Variants in MAMDC2 observed in about 807,000 individuals in gnomAD.
The protein encoded by MAMDC2 is MAM domain containing 2, also known as MAM domain-containing protein 2.
MAMDC2 carries 57 observed loss-of-function variants against 89.8 expected under a neutral mutation model. The ratio of observed to expected loss-of-function variants is 0.63; its 90% CI spans 0.51 to 0.79. The LOEUF (loss-of-function observed/expected upper bound fraction) is 0.79, where lower values mean the gene tolerates loss of function less well. MAMDC2 is among the 30% of genes least tolerant of loss of function. MAMDC2 has a pLI of 0.00. For missense variants in MAMDC2, 800 were observed against 820.6 expected (o/e 0.97, Z 0.31); for synonymous variants, 313 against 293.4 (o/e 1.07, Z -0.68).
intron 2 of MAMDC2, among the ~76,000 whole-genome samples, chr9:70,085,070 G>A (rs1827737380): frequency 6.6e-6 from 1 of 151,888 alleles, no homozygotes. Context: ...AGAAATCAAG[G>A]GTAAACATTA....
intron 2 of MAMDC2, among the ~76,000 whole-genome samples, chr9:70,046,480 CTTAG>C (rs774224746): frequency 3.3e-5 from 5 of 152,184 alleles, no homozygotes; most frequent in Admixed American, 6.5e-5. Context: ...AGCCAGGAGC[CTTAG>C]TTAGTCTCTG....
chr9:70,166,239 T>C (rs1392186381), intron 9 of MAMDC2, among the ~76,000 whole-genome samples: 3 of 137,126 alleles, frequency 2.2e-5, no homozygotes, highest in African/African-American at 8.9e-5. Flanking sequence ...AAAACTCCCA[T>C]CTCAAAAAAA....
chr9:70,143,777 G>A lies in MAMDC2; in HGVS notation c.1362G>A (p.Trp454Ter). The change falls in exon 9 of 14, where the codon TGG becomes TGA. Residue 454 changes from tryptophan (W) to a stop codon, truncating the protein, a stop_gained. Coordinates refer to ENST00000377182, the MANE Select transcript of MAMDC2 (RefSeq NM_153267.5). LOFTEE classifies it high-confidence loss of function. ...TGTTGGAGTCCCCAAGGGGTGTTTG[G>A]ATGCAAGCTGAAATCACCTTTAAGA... ...WSVLESPRGV[W>*]MQAEITFKKP... 1 of 1,614,162 alleles carries A rather than the reference G, an allele frequency of 6.2e-7. No individual in the cohort carries two copies. The highest frequency in any genetic ancestry group is 8.5e-7 in the Non-Finnish European group (1 of 1,180,006).
intron 2 of MAMDC2, among the ~76,000 whole-genome samples, chr9:70,047,499 A>G (rs1212169507): frequency 6.6e-6 from 1 of 152,180 alleles, no homozygotes; most frequent in Non-Finnish European, 1.5e-5. Context: ...GATGGCTTCC[A>G]GCTTCATCCA....
chr9:70,204,712 C>T (rs1021764048), intron 11 of MAMDC2, among the ~76,000 whole-genome samples: 5 of 151,780 alleles, frequency 3.3e-5, no homozygotes, highest in South Asian at 2.1e-4. Flanking sequence ...AGCGAGATTC[C>T]GTGGGCGTAG....
intron 9 of MAMDC2, among the ~76,000 whole-genome samples, chr9:70,160,812 G>A (rs117249321): frequency 0.013 from 1,941 of 152,294 alleles, 21 homozygotes; most frequent in Non-Finnish European, 0.019. Context: ...TCAGGCTCCT[G>A]TGCTGAGTTA....
intron 2 of MAMDC2, among the ~76,000 whole-genome samples, chr9:70,094,561 T>C (rs1827981766): frequency 6.6e-6 from 1 of 152,206 alleles, no homozygotes; most frequent in African/African-American, 2.4e-5. Context: ...TATATTTCCT[T>C]GAATAACAGC....
In MAMDC2 at chr9:70,108,303, C is replaced by A; in HGVS notation, c.241C>A (p.Leu81Ile). 1 of 1,614,064 alleles carries A rather than the reference C, an allele frequency of 6.2e-7. No individual in the cohort carries two copies. Among genetic ancestry groups the A allele is most frequent in the Non-Finnish European group, 8.5e-7 (1 of 1,179,966 alleles). Residue 81 changes from leucine (L) to isoleucine (I), a missense_variant, in exon 3 of 14, where the codon CTC becomes ATC. Leu to Ile is a conservative substitution (Grantham distance 5, BLOSUM62 2). Coordinates refer to ENST00000377182, the MANE Select transcript of MAMDC2 (RefSeq NM_153267.5). ...PDLQAEEWSC[L>I]RLVYQITTSS... ...CTTACAGGCTGAGGAATGGAGCTGC[C>A]TCCGTTTGGTCTACCAGATAACCAC...
intron 10 of MAMDC2, chr9:70,169,542 A>G (rs1268712623): frequency 2.0e-5 from 3 of 152,260 alleles, no homozygotes; most frequent in African/African-American, 7.2e-5. Context: ...AACCCAGATA[A>G]AAATCGTTCC....
At chr9:70,162,844 C>A (rs1468413366) in intron 9 of MAMDC2, among the ~76,000 whole-genome samples, 1 of 150,216 alleles carries the variant, frequency 6.7e-6, no homozygotes, top group Non-Finnish European at 1.5e-5. Context: ...AGTCTGACCC[C>A]TTGGACTAAC....
At chr9:70,160,029 T>G (rs1188486410) in intron 9 of MAMDC2, among the ~76,000 whole-genome samples, 1 of 152,054 alleles carries the variant, frequency 6.6e-6, no homozygotes, top group African/African-American at 2.4e-5. Flanking sequence ...CTGGCCAACA[T>G]GGTAAGACCC....
chr9:70,079,590 C>T (rs965981808), intron 2 of MAMDC2, among the ~76,000 whole-genome samples: 2 of 152,162 alleles, frequency 1.3e-5, no homozygotes, highest in African/African-American at 4.8e-5. Context: ...GGTCAGCCTC[C>T]ATGAGTTATT....
At chr9:70,093,268 G>GA (rs1225109416) in intron 2 of MAMDC2, among the ~76,000 whole-genome samples, 1 of 152,162 alleles carries the variant, frequency 6.6e-6, no homozygotes, top group Non-Finnish European at 1.5e-5. Context: ...AAACTGGTAA[G>GA]ATAGCATCTC....
At chr9:70,142,664 C>T (rs576243320) in intron 8 of MAMDC2, among the ~76,000 whole-genome samples, 94 of 152,098 alleles carry the variant, frequency 6.2e-4, no homozygotes, top group Non-Finnish European at 1.2e-3. Context: ...TTGCAGATGG[C>T]CACCTTATCC....
chr9:70,091,920 T>C (rs1413588811), intron 2 of MAMDC2, among the ~76,000 whole-genome samples: 1 of 152,242 alleles, frequency 6.6e-6, no homozygotes, highest in African/African-American at 2.4e-5. Context: ...GTCATACATT[T>C]ATCTTTCTTA....
intron 9 of MAMDC2, chr9:70,153,059 A>C (rs1008969687): frequency 6.6e-6 from 1 of 152,346 alleles, no homozygotes; most frequent in East Asian, 1.9e-4. Context: ...TAAACTAAAA[A>C]TCAGGTCAGA....
chr9:70,226,881 A>T lies in MAMDC2; in HGVS notation c.*849A>T, dbSNP rs1445799515. 6.6e-6 allele frequency: 1 copy of T among 152,090 alleles called. No individual in the cohort carries two copies. Among genetic ancestry groups the T allele is most frequent in the Non-Finnish European group, 1.5e-5 (1 of 67,956 alleles). The allele number at this position is 152,090 out of a possible 1,614,324, so 9.4% of individuals were successfully genotyped here. A position where few individuals can be genotyped will look rare whatever the true frequency, so the allele number is the denominator to read the frequency against. ...CAGATATACTAAACTGCTTTTATTT[A>T]CTTGTTTAGAAAATTGTATATATAT... On this transcript the variant is annotated 3_prime_UTR_variant, in exon 14 of 14. Coordinates refer to ENST00000377182, the MANE Select transcript of MAMDC2 (RefSeq NM_153267.5).
At chr9:70,102,022 AC>A (rs368231711) in intron 2 of MAMDC2, among the ~76,000 whole-genome samples, 1 of 152,326 alleles carries the variant, frequency 6.6e-6, no homozygotes, top group East Asian at 1.9e-4. Flanking sequence ...GGAAGTATAT[AC>A]TTATTTAAAC....
At chr9:70,191,387 A>G (rs1315086470) in intron 11 of MAMDC2, among the ~76,000 whole-genome samples, 3 of 152,050 alleles carry the variant, frequency 2.0e-5, no homozygotes, top group Admixed American at 2.0e-4. Flanking sequence ...AAATGCTCAT[A>G]TTATTGAATT....
Sources: allele counts gnomAD v4.1 joint callset (sites outside exome capture counted in the v4.1 genomes callset), GRCh38; gene constraint gnomAD v4.1.1; transcripts MANE v1.5; gene names NCBI Gene and HGNC (gene_info 2026-07-23, HGNC 2026-07-21).